Variants in KCNIP4 observed in about 807,000 individuals in gnomAD.
The protein encoded by KCNIP4 is Kv channel-interacting protein 4.
In KCNIP4, 12 loss-of-function variants were observed where a neutral mutation model predicts 34.0. The observed-to-expected ratio is 0.35, with a 90% CI of 0.23 to 0.57. The LOEUF is 0.57. KCNIP4 is among the 20% of genes least tolerant of loss of function. The pLI, the probability that KCNIP4 is intolerant of heterozygous loss-of-function variation, is 0.83. For synonymous variants in KCNIP4, 124 were observed against 102.2 expected, an observed-to-expected ratio of 1.21 and a Z score of -1.29; for missense variants, 238 against 311.7, an observed-to-expected ratio of 0.76 and a Z score of 1.78.
chr4:21,188,297 C>A (rs1007518970), intron 1 of KCNIP4, among the ~76,000 whole-genome samples: 1 of 152,102 alleles, frequency 6.6e-6, no homozygotes. Flanking sequence ...AAGCAGCAAT[C>A]TCTTGACTAG....
intron 1 of KCNIP4, among the ~76,000 whole-genome samples, chr4:21,362,489 T>C (rs1160619090): frequency 6.6e-6 from 1 of 152,202 alleles, no homozygotes; most frequent in African/African-American, 2.4e-5. Flanking sequence ...ATTTGAATTA[T>C]GTTTCTTCCA....
intron 1 of KCNIP4, among the ~76,000 whole-genome samples, chr4:21,047,124 T>G (rs527388099): frequency 1.3e-5 from 2 of 152,222 alleles, no homozygotes; most frequent in Non-Finnish European, 2.9e-5. Flanking sequence ...ATCTTCTCAT[T>G]GACAAAACAG....
intron 3 of KCNIP4, among the ~76,000 whole-genome samples, chr4:20,792,561 G>A (rs1021685900): frequency 2.6e-5 from 4 of 151,960 alleles, no homozygotes; most frequent in African/African-American, 9.7e-5. Context: ...TTTAAATATA[G>A]AGATAAAAAT....
At chr4:21,019,092 T>G (rs1739812829) in intron 1 of KCNIP4, among the ~76,000 whole-genome samples, 1 of 152,180 alleles carries the variant, frequency 6.6e-6, no homozygotes, top group African/African-American at 2.4e-5. Context: ...GATTATGATC[T>G]TCACCCTGTG....
intron 1 of KCNIP4, among the ~76,000 whole-genome samples, chr4:21,399,268 G>T (rs1723264426): frequency 6.6e-6 from 1 of 152,102 alleles, no homozygotes; most frequent in African/African-American, 2.4e-5. Flanking sequence ...GTCCAAAGAG[G>T]GCCAATGAGG....
In KCNIP4 at chr4:21,501,688, T is replaced by TTGTGTGTGTATGTGTGTG. The variant is rs1553893353; in HGVS notation, c.61+446882_61+446883insCACACACATACACACACA. Among the ~76,000 whole-genome samples, 121 of 127,316 alleles carry TTGTGTGTGTATGTGTGTG rather than the reference T, an allele frequency of 9.5e-4. 1 individual carries two copies. Among genetic ancestry groups the TTGTGTGTGTATGTGTGTG allele is most frequent in the Admixed American group, 7.8e-3 (96 of 12,314 alleles). 83.5% of individuals were successfully genotyped at this position (127,316 alleles called of 152,430 possible). A position where few individuals can be genotyped will look rare whatever the true frequency, so the allele number is the denominator to read the frequency against. ...TTCACATTTTGGGAATGCAGAAGCC[T>TTGTGTGTGTATGTGTGTG]TGTGTGTGTGTGTGTGTGTGTGTGT... On this transcript the variant is annotated intron_variant, in intron 1 of 8. Transcript: ENST00000382152.
intron 3 of KCNIP4, among the ~76,000 whole-genome samples, chr4:20,808,313 C>T (rs899248033): frequency 3.9e-5 from 6 of 152,146 alleles, no homozygotes; most frequent in Non-Finnish European, 7.4e-5. Context: ...CTATTTGAGA[C>T]AGGTCCTCTG....
intron 3 of KCNIP4, among the ~76,000 whole-genome samples, chr4:20,783,344 TAGTC>T (rs1391443073): frequency 3.9e-5 from 6 of 152,180 alleles, no homozygotes; most frequent in Non-Finnish European, 8.8e-5. Context: ...TTTACTGTAT[TAGTC>T]AGTTTTCACA....
At chr4:21,589,156 G>GTGTATATA (rs1175502330) in intron 1 of KCNIP4, among the ~76,000 whole-genome samples, 2 of 71,214 alleles carry the variant, frequency 2.8e-5, no homozygotes, top group Non-Finnish European at 5.5e-5. Context: ...ATGGAGGTGT[G>GTGTATATA]TATATATATA....
At chr4:21,246,742 A>G (rs1214384475) in intron 1 of KCNIP4, among the ~76,000 whole-genome samples, 1 of 152,158 alleles carries the variant, frequency 6.6e-6, no homozygotes, top group East Asian at 1.9e-4. Context: ...CACTGAGTAA[A>G]AGGGTTTGAT....
At position 21,434,668 on chromosome 4, in the gene KCNIP4, G is replaced by A. The variant is rs192368029; in HGVS notation, c.61+513903C>T. Among the ~76,000 whole-genome samples the A allele has an allele frequency of 1.1e-4, 16 of 151,966 alleles. No homozygotes were observed. The East Asian group carries it at 2.1e-3, about 20-fold the overall frequency. On this transcript the variant is annotated intron_variant, in intron 1 of 8. Transcript: ENST00000382152. ...ACCCTGTTGTGAACTGTGCCATGCCGGGGATCTATGTTGCACGATCCTGAG... is the reference window on the plus strand; with the variant it reads ...ACCCTGTTGTGAACTGTGCCATGCCAGGGATCTATGTTGCACGATCCTGAG...
intron 1 of KCNIP4, among the ~76,000 whole-genome samples, chr4:21,254,888 C>G (rs1400383736): frequency 6.6e-6 from 1 of 152,170 alleles, no homozygotes; most frequent in Non-Finnish European, 1.5e-5. Context: ...GTCCCATTGT[C>G]GCTATCTTCT....
At chr4:21,850,542 A>T (rs948591711) in intron 1 of KCNIP4, 4 of 152,118 alleles carry the variant, frequency 2.6e-5, no homozygotes, top group African/African-American at 9.7e-5. Context: ...AGTCCCTACC[A>T]GCAAGAAGTC....
At chr4:21,134,938 C>T (rs929526787) in intron 1 of KCNIP4, among the ~76,000 whole-genome samples, 2 of 152,202 alleles carry the variant, frequency 1.3e-5, no homozygotes, top group African/African-American at 4.8e-5. Context: ...GCACCTGGCC[C>T]ATGCTGATGG....
At chr4:21,247,851 T>C (rs1760387347) in intron 1 of KCNIP4, among the ~76,000 whole-genome samples, 1 of 121,252 alleles carries the variant, frequency 8.2e-6, no homozygotes, top group African/African-American at 3.7e-5. Context: ...CAGGTGGAGA[T>C]ATATATATAT....
intron 1 of KCNIP4, among the ~76,000 whole-genome samples, chr4:21,908,591 A>G (rs1384253911): frequency 6.6e-6 from 1 of 152,224 alleles, no homozygotes; most frequent in East Asian, 1.9e-4. Flanking sequence ...GAAGGCAGAA[A>G]GATAAACACA....
intron 1 of KCNIP4, among the ~76,000 whole-genome samples, chr4:21,088,262 T>C (rs886238774): frequency 6.6e-6 from 1 of 152,124 alleles, no homozygotes; most frequent in African/African-American, 2.4e-5. Context: ...CTGAGGCGTC[T>C]TGTGGGAGGT....
At chr4:20,996,005 GGA>G (rs1737519357) in intron 1 of KCNIP4, among the ~76,000 whole-genome samples, 1 of 152,198 alleles carries the variant, frequency 6.6e-6, no homozygotes, top group South Asian at 2.1e-4. Flanking sequence ...TGTTAGTCAG[GGA>G]GTGTTGCATG....
At chr4:21,462,765 TTGTGTGTGTGTGTGTGTG>T (rs57124779) in intron 1 of KCNIP4, among the ~76,000 whole-genome samples, 26 of 145,774 alleles carry the variant, frequency 1.8e-4, no homozygotes, top group East Asian at 1.0e-3. Context: ...TAGTATTCCA[TTGTGTGTGTGTGTGTGTG>T]TGTGTGTGTG....
Sources: allele counts gnomAD v4.1 joint callset (sites outside exome capture counted in the v4.1 genomes callset), GRCh38; gene constraint gnomAD v4.1.1; transcripts MANE v1.5; gene names NCBI Gene and HGNC (gene_info 2026-07-23, HGNC 2026-07-21).